Variants in RALGAPA2 observed in about 807,000 individuals in gnomAD.
RALGAPA2 encodes the protein ral GTPase-activating protein subunit alpha-2.
RALGAPA2 carries 139 observed loss-of-function variants against 230.4 expected under a neutral mutation model. The ratio of observed to expected loss-of-function variants is 0.60; its 90% CI spans 0.53 to 0.69. RALGAPA2 has a LOEUF of 0.69. Ranked by LOEUF, RALGAPA2 falls within the 30% of genes least tolerant of loss-of-function variation. The pLI, the probability that RALGAPA2 is intolerant of heterozygous loss-of-function variation, is 0.00. For missense variants in RALGAPA2, 2,163 were observed against 2,276.0 expected (o/e 0.95, Z 1.01); for synonymous variants, 847 against 837.8 (o/e 1.01, Z -0.19).
At chr20:20,636,672 C>T (rs535889334) in intron 8 of RALGAPA2, among the ~76,000 whole-genome samples, 1 of 152,238 alleles carries the variant, frequency 6.6e-6, no homozygotes, top group South Asian at 2.1e-4. Flanking sequence ...ACCACTTCCC[C>T]TCCAAAACTG....
rs2068323032 is a variant in RALGAPA2, at chr20:20,676,342, C to G, written c.218-54G>C. On this transcript the variant is annotated intron_variant, in intron 2 of 39. Coordinates refer to ENST00000202677, the MANE Select transcript of RALGAPA2 (RefSeq NM_020343.4). ...ATGACATCATTTAAACTTCAGGACACTACAAATTATGCTAAAAGGCAGCTT... is the reference window on the plus strand; with the variant it reads ...ATGACATCATTTAAACTTCAGGACAGTACAAATTATGCTAAAAGGCAGCTT... 3 of 1,231,058 alleles carry G rather than the reference C, an allele frequency of 2.4e-6. No individual in the cohort carries two copies. In the South Asian group the frequency reaches 4.1e-5, roughly 17 times the overall value. The allele number at this position is 1,231,058 out of a possible 1,614,324, so 76.3% of individuals were successfully genotyped here. A position where few individuals can be genotyped will look rare whatever the true frequency, so the allele number is the denominator to read the frequency against.
At chr20:20,425,582 G>A (rs1337975686) in intron 37 of RALGAPA2, among the ~76,000 whole-genome samples, 1 of 152,196 alleles carries the variant, frequency 6.6e-6, no homozygotes, top group East Asian at 1.9e-4. Flanking sequence ...AGAAAAGTTA[G>A]GGGTTTACCA....
At chr20:20,608,794 T>C (rs1045338688) in intron 14 of RALGAPA2, among the ~76,000 whole-genome samples, 2 of 152,140 alleles carry the variant, frequency 1.3e-5, no homozygotes, top group Non-Finnish European at 2.9e-5. Context: ...CAAATCCCAA[T>C]GGGCCCACTC....
intron 30 of RALGAPA2, among the ~76,000 whole-genome samples, chr20:20,521,986 T>C (rs2145454168): frequency 6.6e-6 from 1 of 152,306 alleles, no homozygotes; most frequent in East Asian, 1.9e-4. Context: ...TATGTCCTCT[T>C]CCTAGCAAAA....
At chr20:20,609,977 A>G (rs998960638) in intron 14 of RALGAPA2, among the ~76,000 whole-genome samples, 5 of 152,264 alleles carry the variant, frequency 3.3e-5, no homozygotes, top group African/African-American at 1.2e-4. Context: ...TTTTTTATCA[A>G]GCCAAGAGCA....
rs193053766 is a variant in RALGAPA2 at position 20,412,180 on chromosome 20, G to A, written c.5496-32C>T. 3.7e-5 allele frequency: 60 copies of A among 1,611,658 alleles called. No homozygotes were observed. In the Admixed American group the frequency reaches 5.2e-4, roughly 14 times the overall value. ...TAATCGGTTAAGGAAACAAGTGCAC[G>A]TGCAAAGTGGCATGCAGAGCAGTGA... On this transcript the variant is annotated intron_variant, in intron 37 of 39. Transcript: ENST00000202677.
At chr20:20,485,064 AT>A (rs997580053) in intron 36 of RALGAPA2, among the ~76,000 whole-genome samples, 51 of 150,328 alleles carry the variant, frequency 3.4e-4, no homozygotes, top group African/African-American at 1.2e-3. Flanking sequence ...TTTTTTTGCA[AT>A]TTTTTTTAAG....
intron 28 of RALGAPA2, 75 bp downstream of exon 28, chr20:20,526,177 T>C (rs961467519): frequency 1.8e-6 from 2 of 1,112,532 alleles, no homozygotes; most frequent in East Asian, 2.6e-5. Flanking sequence ...TATTTGAATA[T>C]CTATAATTAA....
intron 37 of RALGAPA2, among the ~76,000 whole-genome samples, chr20:20,449,661 G>A (rs2060944828): frequency 2.7e-5 from 4 of 150,320 alleles, no homozygotes; most frequent in African/African-American, 7.3e-5. Flanking sequence ...TTTTTCCCCC[G>A]GACCTAATTA....
At chr20:20,508,215 T>A (rs1431526020) in intron 33 of RALGAPA2, among the ~76,000 whole-genome samples, 1 of 152,170 alleles carries the variant, frequency 6.6e-6, no homozygotes, top group African/African-American at 2.4e-5. Flanking sequence ...GAGAGCCTGC[T>A]AGGATGCAGA....
intron 24 of RALGAPA2, among the ~76,000 whole-genome samples, chr20:20,546,053 A>T (rs1356219846): frequency 6.6e-6 from 1 of 152,210 alleles, no homozygotes; most frequent in East Asian, 1.9e-4. Flanking sequence ...CTGGGCAGAG[A>T]ATGAATGGGA....
intron 20 of RALGAPA2, among the ~76,000 whole-genome samples, chr20:20,578,936 TAGC>T (rs2064901447): frequency 6.6e-6 from 1 of 152,192 alleles, no homozygotes; most frequent in Admixed American, 6.6e-5. Flanking sequence ...AATGCCCCAG[TAGC>T]TATCATTATT....
chr20:20,578,290 T>A (rs1472502942), intron 20 of RALGAPA2, among the ~76,000 whole-genome samples: 1 of 152,180 alleles, frequency 6.6e-6, no homozygotes, highest in Admixed American at 6.6e-5. Flanking sequence ...GAAGGAGCAC[T>A]TAATTAAAAA....
chr20:20,465,244 C>A (rs1207852182), intron 37 of RALGAPA2, among the ~76,000 whole-genome samples: 1 of 150,084 alleles, frequency 6.7e-6, no homozygotes, highest in African/African-American at 2.5e-5. Flanking sequence ...AAGGCCCCCA[C>A]TGGGAAAGCC....
At chr20:20,679,249 G>A (rs973448472) in intron 2 of RALGAPA2, among the ~76,000 whole-genome samples, 7 of 151,948 alleles carry the variant, frequency 4.6e-5, no homozygotes, top group Non-Finnish European at 8.8e-5. Flanking sequence ...GGGTTCCTGC[G>A]CTAATGGCAC....
intron 16 of RALGAPA2, among the ~76,000 whole-genome samples, chr20:20,596,316 C>T (rs2065453659): frequency 6.6e-6 from 1 of 151,818 alleles, no homozygotes; most frequent in Non-Finnish European, 1.5e-5. Flanking sequence ...AGATTAGAAA[C>T]AAAAACAAAA....
intron 38 of RALGAPA2, among the ~76,000 whole-genome samples, chr20:20,405,516 GC>G (rs1351994031): frequency 6.6e-6 from 1 of 152,218 alleles, no homozygotes; most frequent in East Asian, 1.9e-4. Context: ...TCCTAGCCAA[GC>G]AAATGAAAAG....
intron 35 of RALGAPA2, among the ~76,000 whole-genome samples, chr20:20,501,608 T>G (rs1323774010): frequency 6.6e-6 from 1 of 152,272 alleles, no homozygotes; most frequent in Non-Finnish European, 1.5e-5. Flanking sequence ...TAAGGCTATT[T>G]CGTTTTCTTT....
chr20:20,555,862 T>C (rs539453475), intron 23 of RALGAPA2, among the ~76,000 whole-genome samples: 1 of 152,218 alleles, frequency 6.6e-6, no homozygotes, highest in Non-Finnish European at 1.5e-5. Flanking sequence ...AATATACATA[T>C]CTTTCATTTT....
Sources: allele counts gnomAD v4.1 joint callset (sites outside exome capture counted in the v4.1 genomes callset), GRCh38; gene constraint gnomAD v4.1.1; transcripts MANE v1.5; gene names NCBI Gene and HGNC (gene_info 2026-07-23, HGNC 2026-07-21).